The following CHN2 variants were observed in gnomAD, a reference collection of about 807,000 sequenced individuals.
The protein encoded by CHN2 is beta-chimaerin.
A neutral mutation model predicts 56.3 loss-of-function variants in CHN2; 35 were observed. The observed-to-expected ratio is 0.62, with a 90% CI of 0.47 to 0.82. CHN2 has a LOEUF of 0.82. CHN2 is among the 40% of genes least tolerant of loss of function. The probability of loss-of-function intolerance (pLI) is 0.00; values close to 1 mark genes in which losing one functional copy is unlikely to be tolerated. For missense variants in CHN2, 491 were observed against 580.5 expected (o/e 0.85, Z 1.58); for synonymous variants, 210 against 212.8 (o/e 0.99, Z 0.12).
intron 1 of CHN2, among the ~76,000 whole-genome samples, chr7:29,325,335 T>G (rs1035504934): frequency 2.6e-5 from 4 of 152,216 alleles, no homozygotes; most frequent in African/African-American, 9.7e-5. Flanking sequence ...AGTAGATGTT[T>G]TCGTCCTACC....
At chr7:29,295,731 A>AT (rs1253904344) in intron 1 of CHN2, among the ~76,000 whole-genome samples, 1 of 152,212 alleles carries the variant, frequency 6.6e-6, no homozygotes, top group African/African-American at 2.4e-5. Context: ...TCTTTTCATA[A>AT]TATTTGTTAG....
chr7:29,293,375 C>A (rs865934312), intron 1 of CHN2, among the ~76,000 whole-genome samples: 31 of 122,820 alleles, frequency 2.5e-4, no homozygotes, highest in Admixed American at 7.1e-4. Flanking sequence ...CCCCCCCCCC[C>A]CCATATTAAC....
At chr7:29,152,864 C>A (rs1171448097) in intron 2 of CHN2, among the ~76,000 whole-genome samples, 1 of 152,222 alleles carries the variant, frequency 6.6e-6, no homozygotes, top group Non-Finnish European at 1.5e-5. Context: ...TTTGCAAATT[C>A]TCCTCCATGG....
intron 10 of CHN2, among the ~76,000 whole-genome samples, chr7:29,507,019 G>A (rs993507163): frequency 2.0e-5 from 3 of 152,040 alleles, no homozygotes; most frequent in South Asian, 2.1e-4. Flanking sequence ...TTTATCACCC[G>A]TTTGCCTGCA....
At chr7:29,341,903 A>G (rs980883858) in intron 1 of CHN2, among the ~76,000 whole-genome samples, 3 of 152,208 alleles carry the variant, frequency 2.0e-5, no homozygotes, top group African/African-American at 7.2e-5. Flanking sequence ...TTCACCAACC[A>G]TGTGGCCTTG....
intron 6 of CHN2, among the ~76,000 whole-genome samples, chr7:29,419,283 C>T (rs1045003286): frequency 6.6e-6 from 1 of 152,180 alleles, no homozygotes; most frequent in Non-Finnish European, 1.5e-5. Flanking sequence ...TGGATATTCA[C>T]ATGCAGAAGA....
intron 6 of CHN2, among the ~76,000 whole-genome samples, chr7:29,430,967 T>C (rs773870675): frequency 4.6e-5 from 7 of 152,098 alleles, no homozygotes; most frequent in Non-Finnish European, 1.0e-4. Context: ...CTGTTCTTAG[T>C]CAATTCCTGG....
intron 2 of CHN2, among the ~76,000 whole-genome samples, chr7:29,175,158 G>A (rs1369412387): frequency 6.6e-6 from 1 of 151,082 alleles, no homozygotes; most frequent in Non-Finnish European, 1.5e-5. Flanking sequence ...CATGAGATGT[G>A]ATGATTTCTT....
chr7:29,285,049 A>G (rs1247441919), intron 1 of CHN2, among the ~76,000 whole-genome samples: 1 of 152,164 alleles, frequency 6.6e-6, no homozygotes, highest in Non-Finnish European at 1.5e-5. Context: ...GAGCTGCTCT[A>G]CTTGCTGTGG....
intron 6 of CHN2, among the ~76,000 whole-genome samples, chr7:29,466,731 A>T (rs1407813805): frequency 6.6e-6 from 1 of 152,110 alleles, no homozygotes; most frequent in Admixed American, 6.5e-5. Flanking sequence ...ATCACAAAAG[A>T]CTCTGATACT....
chr7:29,297,764 C>G (rs1158613506), intron 1 of CHN2, among the ~76,000 whole-genome samples: 1 of 151,970 alleles, frequency 6.6e-6, no homozygotes, highest in African/African-American at 2.4e-5. Flanking sequence ...ATTAACCTTT[C>G]CCAGTTTGGA....
At chr7:29,270,572 G>A (rs1051720509) in intron 1 of CHN2, among the ~76,000 whole-genome samples, 1 of 151,656 alleles carries the variant, frequency 6.6e-6, no homozygotes, top group Non-Finnish European at 1.5e-5. Context: ...GTTGAGGCAC[G>A]AGAATCACTT....
chr7:29,329,311 C>T (rs927682249), intron 1 of CHN2, among the ~76,000 whole-genome samples: 1 of 120,286 alleles, frequency 8.3e-6, no homozygotes, highest in Non-Finnish European at 1.6e-5. Flanking sequence ...GTGTTGACAG[C>T]AAACAGACAG....
intron 3 of CHN2, among the ~76,000 whole-genome samples, chr7:29,388,384 C>G (rs917310997): frequency 1.3e-5 from 2 of 152,212 alleles, no homozygotes; most frequent in Admixed American, 6.5e-5. Flanking sequence ...GGGCCTAACC[C>G]TTCCTTCTAT....
chr7:29,150,183 T>C (rs1012096884), intron 2 of CHN2, among the ~76,000 whole-genome samples: 1 of 152,340 alleles, frequency 6.6e-6, no homozygotes. Context: ...GTTCAGAGCA[T>C]GGGTCAGACT....
At chr7:29,325,494 A>G (rs1438897568) in intron 1 of CHN2, among the ~76,000 whole-genome samples, 1 of 152,168 alleles carries the variant, frequency 6.6e-6, no homozygotes, top group African/African-American at 2.4e-5. Flanking sequence ...AAGGCAGCCA[A>G]TTGTCTCAGG....
chr7:29,379,516 G>A (rs59111561), intron 3 of CHN2, among the ~76,000 whole-genome samples: 1,752 of 152,312 alleles, frequency 0.012, 31 homozygotes, highest in African/African-American at 0.04. Flanking sequence ...AAGTTGGATT[G>A]ATGGATGGAT....
At chr7:29,286,860 C>T (rs138268659) in intron 1 of CHN2, among the ~76,000 whole-genome samples, 2,200 of 152,206 alleles carry the variant, frequency 0.014, 54 homozygotes, top group African/African-American at 0.049. Flanking sequence ...TTTATATAAA[C>T]GTGAAAGTTG....
intron 1 of CHN2, among the ~76,000 whole-genome samples, chr7:29,249,841 G>A (rs1167688799): frequency 1.3e-5 from 2 of 152,210 alleles, no homozygotes; most frequent in Non-Finnish European, 2.9e-5. Flanking sequence ...AGACTTTTCA[G>A]GAATGGTAGC....
Sources: allele counts gnomAD v4.1 joint callset (sites outside exome capture counted in the v4.1 genomes callset), GRCh38; gene constraint gnomAD v4.1.1; transcripts MANE v1.5; gene names NCBI Gene and HGNC (gene_info 2026-07-23, HGNC 2026-07-21).